DENND5A: variants seen among roughly 807,000 people sequenced by gnomAD.
DENND5A encodes the protein DENN domain containing 5A.
Under a neutral mutation model 140.3 loss-of-function variants are expected in DENND5A, and 64 were observed. The observed-to-expected ratio is 0.46, with a 90% confidence interval of 0.37 to 0.56. The LOEUF (loss-of-function observed/expected upper bound fraction) is 0.56. DENND5A is among the 20% of genes least tolerant of loss of function. DENND5A has a pLI of 0.00. For missense variants in DENND5A, 1,292 were observed against 1,593.8 expected, an observed-to-expected ratio of 0.81 and a Z score of 3.22; for synonymous variants, 605 against 607.7, an observed-to-expected ratio of 1.00 and a Z score of 0.07.
chr11:9,185,040 A>G (rs1383838377), intron 5 of DENND5A, among the ~76,000 whole-genome samples: 1 of 152,064 alleles, frequency 6.6e-6, no homozygotes, highest in Non-Finnish European at 1.5e-5. Flanking sequence ...AAAATACAAA[A>G]ATTAGCCGGG....
chr11:9,160,706 A>G lies in DENND5A; in HGVS notation c.2436+7T>C, dbSNP rs768479863. On this transcript the variant is annotated splice_region_variant and intron_variant, in intron 12 of 22. Coordinates refer to ENST00000328194, the MANE Select transcript of DENND5A (RefSeq NM_015213.4). ...TGCTCAGCAATGAGAGGCAAGACAT[A>G]CATTACCTGTTTCACTTGTAGTCCA... is the stretch of plus-strand genomic sequence containing the variant. 1.9e-6 allele frequency: 3 copies of G among 1,608,338 alleles called. No homozygotes were observed. The highest frequency in any genetic ancestry group is 2.7e-5 in the African/African-American group (2 of 74,860).
At chr11:9,216,647 G>A (rs966816218) in intron 1 of DENND5A, among the ~76,000 whole-genome samples, 6 of 152,214 alleles carry the variant, frequency 3.9e-5, no homozygotes, top group African/African-American at 1.4e-4. Context: ...GCAGGGGACT[G>A]TGGCTCATGC....
chr11:9,211,929 C>CAAA (rs71453905), intron 1 of DENND5A, among the ~76,000 whole-genome samples: 7 of 84,858 alleles, frequency 8.2e-5, no homozygotes, highest in East Asian at 3.3e-4. Context: ...GACTCCGTCT[C>CAAA]AAAAAAAAAA....
intron 12 of DENND5A, 107 bp downstream of exon 12, chr11:9,160,606 G>T: frequency 2.1e-6 from 2 of 951,110 alleles, no homozygotes; most frequent in Non-Finnish European, 3.2e-6. Context: ...AGGGCACTGT[G>T]CACCATTCTT....
chr11:9,173,599 C>T (rs760495602), intron 8 of DENND5A, among the ~76,000 whole-genome samples: 1 of 152,200 alleles, frequency 6.6e-6, no homozygotes, highest in Non-Finnish European at 1.5e-5. Flanking sequence ...AGGCAACCCT[C>T]CCCCTTCAGC....
At chr11:9,246,828 T>C (rs1348028231) in intron 1 of DENND5A, among the ~76,000 whole-genome samples, 2 of 152,114 alleles carry the variant, frequency 1.3e-5, no homozygotes, top group African/African-American at 4.8e-5. Context: ...TAAACCCCAC[T>C]TCAAGACAGC....
chr11:9,203,473 G>C (rs1849587780), intron 4 of DENND5A, 187 bp downstream of exon 4: 5 of 595,218 alleles, frequency 8.4e-6, no homozygotes, highest in Non-Finnish European at 1.2e-5. Context: ...AGGCCATGAA[G>C]ATAGTTAATC....
In DENND5A at chr11:9,139,571, G is replaced by A; in HGVS notation, c.*100C>T. 9.5e-7 allele frequency: 1 copy of A among 1,052,972 alleles called. No homozygotes were observed. Among genetic ancestry groups the A allele is most frequent in the African/African-American group, 1.6e-5 (1 of 62,486 alleles). The allele number at this position is 1,052,972 out of a possible 1,614,324, so 65.2% of individuals were successfully genotyped here. A position where few individuals can be genotyped will look rare whatever the true frequency, so the allele number is the denominator to read the frequency against. On this transcript the variant is annotated 3_prime_UTR_variant, in exon 23 of 23. Coordinates refer to ENST00000328194, the MANE Select transcript of DENND5A (RefSeq NM_015213.4). Reference sequence around the variant, plus strand: ...TCTTTTTACAGTGAGTGTACATTTTGTCTCCTACTCCTGCACAATCGCTTA... The same window carrying A: ...TCTTTTTACAGTGAGTGTACATTTTATCTCCTACTCCTGCACAATCGCTTA...
chr11:9,175,584 CATTTAATG>C (rs1848522079), intron 8 of DENND5A: 1 of 152,146 alleles, frequency 6.6e-6, no homozygotes, highest in African/African-American at 2.4e-5. Flanking sequence ...CTACAGTAAT[CATTTAATG>C]TAAGCTACAG....
chr11:9,226,101 T>TATA (rs1292751072), intron 1 of DENND5A, among the ~76,000 whole-genome samples: 2 of 152,120 alleles, frequency 1.3e-5, no homozygotes, highest in African/African-American at 4.8e-5. Flanking sequence ...TCATCATCAT[T>TATA]ATCATCATCA....
intron 1 of DENND5A, among the ~76,000 whole-genome samples, chr11:9,252,295 C>CAA (rs11422899): frequency 0.011 from 727 of 68,916 alleles, 16 homozygotes; most frequent in African/African-American, 0.027. Context: ...GACTCCGTCT[C>CAA]AAAAAAAAAA....
chr11:9,206,009 G>A (rs1849681577), intron 3 of DENND5A, among the ~76,000 whole-genome samples: 1 of 152,228 alleles, frequency 6.6e-6, no homozygotes, highest in South Asian at 2.1e-4. Flanking sequence ...ATGCGAGCTT[G>A]AATACATTAC....
chr11:9,140,006 GC>G, intron 22 of DENND5A, 152 bp from the exon 23 acceptor site: 2 of 993,146 alleles, frequency 2.0e-6, no homozygotes. Context: ...ACAGGGACTG[GC>G]AAAGAGGTCT....
rs150223826 is a variant in DENND5A, at chr11:9,183,599, G to A, written c.1138-2515C>T. Among the ~76,000 whole-genome samples, 436 of 152,198 alleles carry A rather than the reference G, an allele frequency of 2.9e-3. 2 individuals are homozygous for A. Among genetic ancestry groups the A allele is most frequent in the African/African-American group, 0.01 (425 of 41,528 alleles). The stretch of plus-strand genomic sequence containing the variant: ...GGCTAATTGTTGTTGTTGAGACAGA[G>A]TGTCGCTGTGTTGCCCAGGCTGGTC... On this transcript the variant is annotated intron_variant, in intron 5 of 22. Coordinates refer to ENST00000328194, the MANE Select transcript of DENND5A (RefSeq NM_015213.4).
At chr11:9,141,769 T>C (rs908725208) in intron 22 of DENND5A, among the ~76,000 whole-genome samples, 171 bp downstream of exon 22, 1 of 152,200 alleles carries the variant, frequency 6.6e-6, no homozygotes, top group Admixed American at 6.5e-5. Context: ...TTATGCAGTG[T>C]GTGACCATAC....
At chr11:9,252,259 G>A (rs1039729401) in intron 1 of DENND5A, among the ~76,000 whole-genome samples, 2 of 137,430 alleles carry the variant, frequency 1.5e-5, no homozygotes, top group African/African-American at 5.7e-5. Flanking sequence ...TCACACCACT[G>A]CACTCCAGCC....
chr11:9,221,517 C>T (rs922737312), intron 1 of DENND5A, among the ~76,000 whole-genome samples: 1 of 152,004 alleles, frequency 6.6e-6, no homozygotes, highest in Non-Finnish European at 1.5e-5. Context: ...TGAGCAACTG[C>T]GCCTGGCCTG....
chr11:9,139,800 T>A lies in DENND5A; in HGVS notation c.3735A>T (p.Ala1245=), dbSNP rs371344666. ...TCAGTGCCACATCCTCATACATGTG[T>A]GCAGTGATGGGGCAGTCAGCCAGCA... ...IALLADCPIT[A]HMYEDVALIK... is the part of the protein sequence containing the mutation. The change falls in exon 23 of 23, where the codon GCA becomes GCT. Residue 1245 remains alanine, a synonymous_variant. Transcript: ENST00000328194. 1.9e-6 allele frequency: 3 copies of A among 1,613,944 alleles called. No individual in the cohort carries two copies. In the African/African-American group the frequency reaches 4.0e-5, roughly 22 times the overall value.
Position 9,178,966 on chromosome 11 carries a change from T to G in DENND5A, c.1563A>C (p.Ala521=). The part of the protein sequence containing the change: ...QLNIQIREVF[A]NRFTQMFADY... ...CTGCAAACATCTGAGTGAAACGATTTGCAAAAACTTCCCGGATCTGAATGT... is the reference window on the plus strand; with the variant it reads ...CTGCAAACATCTGAGTGAAACGATTGGCAAAAACTTCCCGGATCTGAATGT... Residue 521 remains alanine, a synonymous_variant, in exon 7 of 23, where the codon GCA becomes GCC. Coordinates refer to ENST00000328194, the MANE Select transcript of DENND5A (RefSeq NM_015213.4). The G allele has an allele frequency of 6.2e-7, 1 of 1,614,178 alleles. No individual in the cohort carries two copies. Among genetic ancestry groups the G allele is most frequent in the Non-Finnish European group, 8.5e-7 (1 of 1,180,018 alleles).
Sources: allele counts gnomAD v4.1 joint callset (sites outside exome capture counted in the v4.1 genomes callset), GRCh38; gene constraint gnomAD v4.1.1; transcripts MANE v1.5; gene names NCBI Gene and HGNC (gene_info 2026-07-23, HGNC 2026-07-21).